Variants in PHLDB2 observed in about 807,000 individuals in gnomAD.
The protein encoded by PHLDB2 is pleckstrin homology-like domain family B member 2.
A neutral mutation model predicts 123.6 loss-of-function variants in PHLDB2; 71 were observed. The ratio of observed to expected loss-of-function variants is 0.57; its 90% CI spans 0.47 to 0.70. The LOEUF is 0.70. PHLDB2 is among the 30% of genes least tolerant of loss of function. The probability of loss-of-function intolerance (pLI) is 0.00; values close to 1 mark genes in which losing one functional copy is unlikely to be tolerated. For missense variants in PHLDB2, 1,446 were observed against 1,519.5 expected, an observed-to-expected ratio of 0.95 and a Z score of 0.80; for synonymous variants, 547 against 541.6, an observed-to-expected ratio of 1.01 and a Z score of -0.14.
At chr3:111,801,822 T>A (rs1417609000) in intron 1 of PHLDB2, among the ~76,000 whole-genome samples, 3 of 152,160 alleles carry the variant, frequency 2.0e-5, no homozygotes, top group African/African-American at 7.2e-5. Flanking sequence ...ACATTAGTGG[T>A]TGCTGGGGAC....
At chr3:111,828,972 C>T (rs1009449991) in intron 1 of PHLDB2, among the ~76,000 whole-genome samples, 34 of 152,170 alleles carry the variant, frequency 2.2e-4, no homozygotes. Context: ...TGGATCTTTT[C>T]TCTTAGAGGA....
At chr3:111,905,779 A>G (rs1186344800) in intron 2 of PHLDB2, among the ~76,000 whole-genome samples, 2 of 152,156 alleles carry the variant, frequency 1.3e-5, no homozygotes, top group African/African-American at 2.4e-5. Flanking sequence ...ATGTTGCAAC[A>G]TATTATGTTA....
At chr3:111,832,542 A>G (rs1404109743) in intron 1 of PHLDB2, among the ~76,000 whole-genome samples, 1 of 148,618 alleles carries the variant, frequency 6.7e-6, no homozygotes, top group Non-Finnish European at 1.5e-5. Context: ...TCCCGCTGTT[A>G]ACAAAAATCA....
intron 1 of PHLDB2, chr3:111,732,792 G>A (rs993062949): frequency 7.7e-6 from 9 of 1,164,588 alleles, no homozygotes; most frequent in Non-Finnish European, 1.1e-5. Context: ...TTTCTGAGGA[G>A]GGTCTGCTGG....
At chr3:111,830,611 C>A (rs2062907342) in intron 1 of PHLDB2, among the ~76,000 whole-genome samples, 1 of 149,248 alleles carries the variant, frequency 6.7e-6, no homozygotes. Flanking sequence ...AGATCGAGAC[C>A]ATCCCGGCTA....
intron 1 of PHLDB2, among the ~76,000 whole-genome samples, chr3:111,780,399 A>AGAAGAGGAGGAAG (rs2060407560): frequency 1.3e-5 from 1 of 74,364 alleles, no homozygotes; most frequent in Non-Finnish European, 2.9e-5. Flanking sequence ...AAGAAGAAGA[A>AGAAGAGGAGGAAG]GAAGAAGAAG....
At chr3:111,875,074 T>C (rs2065536449) in intron 1 of PHLDB2, among the ~76,000 whole-genome samples, 1 of 152,228 alleles carries the variant, frequency 6.6e-6, no homozygotes, top group South Asian at 2.1e-4. Flanking sequence ...ATATGATTAA[T>C]GTTTTTGCCA....
chr3:111,905,803 G>T (rs1277047391), intron 2 of PHLDB2, among the ~76,000 whole-genome samples: 1 of 152,064 alleles, frequency 6.6e-6, no homozygotes, highest in African/African-American at 2.4e-5. Flanking sequence ...CAGCTATTAT[G>T]TCATTAAAAA....
At chr3:111,828,565 C>T (rs891363923) in intron 1 of PHLDB2, among the ~76,000 whole-genome samples, 4 of 152,074 alleles carry the variant, frequency 2.6e-5, no homozygotes, top group Non-Finnish European at 2.9e-5. Flanking sequence ...TTGAGGCTGG[C>T]GGATCGTTTG....
chr3:111,761,676 C>T (rs1428676520), intron 1 of PHLDB2, among the ~76,000 whole-genome samples: 2 of 152,208 alleles, frequency 1.3e-5, no homozygotes, highest in East Asian at 3.8e-4. Flanking sequence ...TGCTGATCTA[C>T]ACACCCAGAA....
chr3:111,864,768 G>A (rs970507104), intron 1 of PHLDB2, among the ~76,000 whole-genome samples: 8 of 152,298 alleles, frequency 5.3e-5, no homozygotes, highest in African/African-American at 1.9e-4. Flanking sequence ...TTTATTAGAT[G>A]AAGTGCTTTT....
At chr3:111,820,686 G>A (rs2062329220) in intron 1 of PHLDB2, among the ~76,000 whole-genome samples, 2 of 152,206 alleles carry the variant, frequency 1.3e-5, no homozygotes, top group Admixed American at 6.5e-5. Flanking sequence ...AGGAAGTTGG[G>A]CATGGAATTT....
intron 5 of PHLDB2, among the ~76,000 whole-genome samples, chr3:111,920,736 T>G (rs1042658685): frequency 6.6e-6 from 1 of 152,234 alleles, no homozygotes; most frequent in Non-Finnish European, 1.5e-5. Flanking sequence ...GATTCCATTG[T>G]GTTTTTTAAG....
At chr3:111,945,608 G>T (rs993435864) in intron 9 of PHLDB2, among the ~76,000 whole-genome samples, 3 of 151,946 alleles carry the variant, frequency 2.0e-5, no homozygotes, top group Non-Finnish European at 4.4e-5. Flanking sequence ...TGTCTACTTT[G>T]CTGGGTGGTG....
chr3:111,915,057 TAGG>T (rs1019503656), intron 3 of PHLDB2: 17 of 152,196 alleles, frequency 1.1e-4, no homozygotes, highest in Admixed American at 9.2e-4. Flanking sequence ...AAATAGTAAA[TAGG>T]AGGAAAAAGC....
chr3:111,851,096 G>A (rs2064230434), intron 2 of PHLDB2, among the ~76,000 whole-genome samples: 1 of 150,462 alleles, frequency 6.6e-6, no homozygotes, highest in South Asian at 2.1e-4. Context: ...TCGGGAGGCT[G>A]AGGCAGGAGA....
At chr3:111,889,404 T>TA (rs397874425) in intron 2 of PHLDB2, among the ~76,000 whole-genome samples, 1 of 151,924 alleles carries the variant, frequency 6.6e-6, no homozygotes, top group Non-Finnish European at 1.5e-5. Context: ...TTTTTTTTTT[T>TA]AAGAGAGCAC....
At chr3:111,943,782 G>A (rs2070082247) in intron 8 of PHLDB2, among the ~76,000 whole-genome samples, 1 of 152,154 alleles carries the variant, frequency 6.6e-6, no homozygotes, top group Admixed American at 6.5e-5. Context: ...ATACATTGCT[G>A]ACTTGAGTGT....
At chr3:111,885,451 A>G in intron 2 of PHLDB2, 39 bp downstream of exon 2, 1 of 1,612,926 alleles carries the variant, frequency 6.2e-7, no homozygotes, top group Non-Finnish European at 8.5e-7. Flanking sequence ...TCACTGTTTC[A>G]TTAACCAGCA....
Sources: allele counts gnomAD v4.1 joint callset (sites outside exome capture counted in the v4.1 genomes callset), GRCh38; gene constraint gnomAD v4.1.1; transcripts MANE v1.5; gene names NCBI Gene and HGNC (gene_info 2026-07-23, HGNC 2026-07-21).